The following LRBA variants were observed in gnomAD, a reference collection of about 807,000 sequenced individuals.
The protein encoded by LRBA is LPS responsive beige-like anchor protein, also known as lipopolysaccharide-responsive and beige-like anchor protein.
LRBA carries 176 observed loss-of-function variants against 330.0 expected under a neutral mutation model. That is an observed-to-expected ratio of 0.53 (90% CI 0.47 to 0.60). LRBA has a LOEUF of 0.60. LRBA is among the 20% of genes least tolerant of loss of function. The probability of loss-of-function intolerance (pLI) is 0.00; values close to 1 mark genes in which losing one functional copy is unlikely to be tolerated. For missense variants in LRBA, 3,259 were observed against 3,444.8 expected, an observed-to-expected ratio of 0.95 and a Z score of 1.35; for synonymous variants, 1,230 against 1,193.0, an observed-to-expected ratio of 1.03 and a Z score of -0.64.
intron 47 of LRBA, among the ~76,000 whole-genome samples, chr4:150,390,464 T>C (rs1440314196): frequency 6.6e-6 from 1 of 152,186 alleles, no homozygotes; most frequent in Non-Finnish European, 1.5e-5. Flanking sequence ...AATCTCATTT[T>C]AAGAGTGACC....
intron 47 of LRBA, among the ~76,000 whole-genome samples, chr4:150,376,172 C>T (rs984779788): frequency 2.0e-5 from 3 of 151,984 alleles, no homozygotes; most frequent in African/African-American, 7.3e-5. Context: ...TAATGCAACC[C>T]CCACACTGTG....
At chr4:150,855,039 C>T (rs556239408) in intron 22 of LRBA, among the ~76,000 whole-genome samples, 1 of 152,298 alleles carries the variant, frequency 6.6e-6, no homozygotes, top group South Asian at 2.1e-4. Context: ...GGGCAGATCA[C>T]CTGAGGTCAG....
chr4:150,787,549 G>T (rs553853735), intron 34 of LRBA, among the ~76,000 whole-genome samples: 50 of 152,052 alleles, frequency 3.3e-4, no homozygotes, highest in Non-Finnish European at 6.0e-4. Context: ...GGGTACATAG[G>T]AGTATATATT....
intron 49 of LRBA, among the ~76,000 whole-genome samples, chr4:150,325,179 A>G (rs1733073920): frequency 6.6e-6 from 1 of 152,176 alleles, no homozygotes; most frequent in African/African-American, 2.4e-5. Flanking sequence ...ATGAAAGGCC[A>G]CATGGAAAGA....
At chr4:150,680,380 T>C (rs755007298) in intron 37 of LRBA, among the ~76,000 whole-genome samples, 1 of 152,196 alleles carries the variant, frequency 6.6e-6, no homozygotes, top group Admixed American at 6.5e-5. Flanking sequence ...AGAACTCTCA[T>C]GGCAAAAGCT....
intron 40 of LRBA, chr4:150,582,874 G>A: frequency 1.3e-6 from 1 of 794,084 alleles, no homozygotes. Context: ...TACGGTATCA[G>A]CCGGTCAGCC....
chr4:150,579,754 C>G (rs1771015759), intron 40 of LRBA: 1 of 455,652 alleles, frequency 2.2e-6, no homozygotes, highest in African/African-American at 2.0e-5. Context: ...AGGCGCAGGA[C>G]TTGCGGCGCG....
chr4:150,421,178 AGAT>A (rs1748731497), intron 46 of LRBA, among the ~76,000 whole-genome samples: 1 of 133,000 alleles, frequency 7.5e-6, no homozygotes, highest in Non-Finnish European at 1.5e-5. Context: ...TATAATACAT[AGAT>A]AATATATAAA....
intron 28 of LRBA, among the ~76,000 whole-genome samples, chr4:150,838,818 T>C (rs1347706532): frequency 1.3e-5 from 2 of 152,186 alleles, no homozygotes; most frequent in East Asian, 3.8e-4. Context: ...CTGTACAGCT[T>C]TGTTCCATTG....
intron 26 of LRBA, among the ~76,000 whole-genome samples, chr4:150,845,492 T>G (rs1412446128): frequency 6.6e-6 from 1 of 152,232 alleles, no homozygotes. Flanking sequence ...AATTACATTA[T>G]GTACCCTTCA....
At chr4:150,860,470 T>G (rs1245030792) in intron 22 of LRBA, among the ~76,000 whole-genome samples, 2 of 152,158 alleles carry the variant, frequency 1.3e-5, no homozygotes, top group Non-Finnish European at 2.9e-5. Context: ...AGACCTCTCC[T>G]TAAAGCAACT....
intron 52 of LRBA, 21 bp from the exon 53 acceptor site, chr4:150,302,813 C>T (rs1729845046): frequency 6.5e-7 from 1 of 1,532,616 alleles, no homozygotes; most frequent in Admixed American, 2.0e-5. Context: ...AAACAATTTT[C>T]TTTAAAAATG....
intron 40 of LRBA, among the ~76,000 whole-genome samples, chr4:150,550,038 G>T (rs1169220164): frequency 2.0e-5 from 3 of 152,144 alleles, no homozygotes; most frequent in African/African-American, 7.2e-5. Context: ...CTAGTTTAGG[G>T]TAATTTTAAT....
chr4:150,595,422 C>T (rs1473542542), intron 38 of LRBA, among the ~76,000 whole-genome samples: 2 of 151,864 alleles, frequency 1.3e-5, no homozygotes, highest in African/African-American at 2.4e-5. Context: ...TCTGTCATCC[C>T]TAGAAAACCA....
chr4:150,537,463 T>C (rs1013776893), intron 40 of LRBA, among the ~76,000 whole-genome samples: 1 of 152,004 alleles, frequency 6.6e-6, no homozygotes, highest in Non-Finnish European at 1.5e-5. Flanking sequence ...AACAGCAATG[T>C]CAACAAAAAA....
intron 47 of LRBA, among the ~76,000 whole-genome samples, chr4:150,383,853 T>C (rs907867739): frequency 6.6e-6 from 1 of 152,054 alleles, no homozygotes; most frequent in Non-Finnish European, 1.5e-5. Context: ...GTCTAAATGC[T>C]AAAATTGCTA....
intron 2 of LRBA, among the ~76,000 whole-genome samples, chr4:150,945,988 C>T (rs749867398): frequency 7.9e-5 from 12 of 151,950 alleles, no homozygotes; most frequent in African/African-American, 1.9e-4. Context: ...TTAGTAGAGA[C>T]GGGGTTTCAC....
chr4:150,731,008 ACT>A (rs1730380648), intron 36 of LRBA, among the ~76,000 whole-genome samples: 1 of 152,134 alleles, frequency 6.6e-6, no homozygotes, highest in African/African-American at 2.4e-5. Flanking sequence ...ACATAGCAAG[ACT>A]CTGTCTCAAA....
intron 37 of LRBA, among the ~76,000 whole-genome samples, chr4:150,652,983 T>C (rs1214165190): frequency 1.3e-5 from 2 of 152,178 alleles, no homozygotes; most frequent in Admixed American, 6.5e-5. Flanking sequence ...TATGCCCAGA[T>C]ATCAATTTTT....
Sources: gnomAD v4.1 joint callset for allele counts (sites outside exome capture counted in the v4.1 genomes callset) on GRCh38, gnomAD v4.1.1 for gene constraint, MANE v1.5 for transcripts, NCBI Gene and HGNC (gene_info 2026-07-23, HGNC 2026-07-21) for gene names.